VAV3: variants seen among roughly 807,000 people sequenced by gnomAD.
VAV3 encodes the protein vav guanine nucleotide exchange factor 3.
A neutral mutation model predicts 131.2 loss-of-function variants in VAV3; 94 were observed. The observed-to-expected ratio is 0.72, with a 90% CI of 0.61 to 0.85. The LOEUF is 0.85. VAV3 is among the 40% of genes least tolerant of loss of function. The probability of loss-of-function intolerance (pLI) is 0.00; values close to 1 mark genes in which losing one functional copy is unlikely to be tolerated. For synonymous variants in VAV3, 349 were observed against 342.0 expected (o/e 1.02, Z -0.22); for missense variants, 939 against 1,002.7 (o/e 0.94, Z 0.86).
At chr1:107,892,820 AC>A (rs1671374959) in intron 1 of VAV3, among the ~76,000 whole-genome samples, 1 of 152,170 alleles carries the variant, frequency 6.6e-6, no homozygotes, top group South Asian at 2.1e-4. Context: ...GACAAAGATA[AC>A]CTTTTTCTTG....
At position 107,789,255 on chromosome 1, in the gene VAV3, C is replaced by G. The variant is rs149822952; in HGVS notation, c.322-9763G>C. ...AACTCAGCTCGCTGTCAAAGTCACA[C>G]AACTCACTGGCAAAGATCACTGCTT... is the stretch of plus-strand genomic sequence containing the variant. On this transcript the variant is annotated intron_variant, in intron 2 of 26. Coordinates refer to ENST00000370056, the MANE Select transcript of VAV3 (RefSeq NM_006113.5). Among the ~76,000 whole-genome samples the G allele has an allele frequency of 4.7e-3, 723 of 152,310 alleles. 4 individuals carry two copies. The highest frequency in any genetic ancestry group is 0.016 in the African/African-American group (657 of 41,570).
At chr1:107,794,753 G>A (rs907688459) in intron 2 of VAV3, among the ~76,000 whole-genome samples, 2 of 152,124 alleles carry the variant, frequency 1.3e-5, no homozygotes, top group Non-Finnish European at 2.9e-5. Context: ...TCAGTCATTA[G>A]CTCCTCTGAC....
chr1:107,583,955 C>G (rs1650282212), intron 25 of VAV3, among the ~76,000 whole-genome samples: 1 of 151,966 alleles, frequency 6.6e-6, no homozygotes, highest in South Asian at 2.1e-4. Context: ...CCAAGTCAAT[C>G]CTAAGCCAAA....
chr1:107,886,680 C>A (rs757740176), intron 1 of VAV3, among the ~76,000 whole-genome samples: 6 of 152,080 alleles, frequency 3.9e-5, no homozygotes, highest in Non-Finnish European at 8.8e-5. Flanking sequence ...TAGGTTTGTA[C>A]AAACTTGTAC....
At chr1:107,702,065 C>T (rs1389576253) in intron 17 of VAV3, among the ~76,000 whole-genome samples, 1 of 152,168 alleles carries the variant, frequency 6.6e-6, no homozygotes, top group Non-Finnish European at 1.5e-5. Flanking sequence ...TTAGTCCGTC[C>T]TCCCACTGCT....
intron 20 of VAV3, among the ~76,000 whole-genome samples, chr1:107,626,482 A>C (rs973948577): frequency 8.5e-5 from 13 of 152,160 alleles, no homozygotes; most frequent in Non-Finnish European, 1.8e-4. Context: ...TACAGGACAT[A>C]CTAATGCCGA....
chr1:107,675,482 T>C (rs1193224650), intron 19 of VAV3, among the ~76,000 whole-genome samples: 1 of 152,200 alleles, frequency 6.6e-6, no homozygotes, highest in East Asian at 1.9e-4. Context: ...CACACAGGGC[T>C]ACCGTTGGAG....
chr1:107,770,210 T>C (rs1664962473), intron 6 of VAV3, among the ~76,000 whole-genome samples: 1 of 152,098 alleles, frequency 6.6e-6, no homozygotes, highest in Admixed American at 6.6e-5. Flanking sequence ...ATACCCTCAG[T>C]TCACTTAGCT....
chr1:107,592,520 C>T (rs1651048878), intron 25 of VAV3, among the ~76,000 whole-genome samples: 1 of 152,064 alleles, frequency 6.6e-6, no homozygotes, highest in African/African-American at 2.4e-5. Flanking sequence ...TGTGGCCCAA[C>T]TAATTCTCTA....
chr1:107,617,542 A>G (rs1379878786), intron 21 of VAV3, 25 bp downstream of exon 21: 2 of 1,587,984 alleles, frequency 1.3e-6, no homozygotes, highest in African/African-American at 2.7e-5. Flanking sequence ...ATGAAGCAAG[A>G]GAAAATTAAG....
chr1:107,637,841 A>C (rs1414418180), intron 20 of VAV3, among the ~76,000 whole-genome samples: 1 of 152,214 alleles, frequency 6.6e-6, no homozygotes, highest in Non-Finnish European at 1.5e-5. Flanking sequence ...TATTACATGA[A>C]AATGAAACAA....
chr1:107,660,257 C>T (rs10494071), intron 19 of VAV3, among the ~76,000 whole-genome samples: 12,770 of 152,164 alleles, frequency 0.084, 1,047 homozygotes, highest in East Asian at 0.44. Context: ...TTTTCGAGTA[C>T]CAGTGGCAAC....
intron 9 of VAV3, among the ~76,000 whole-genome samples, chr1:107,763,586 C>T (rs1458176387): frequency 6.6e-6 from 1 of 152,134 alleles, no homozygotes; most frequent in African/African-American, 2.4e-5. Flanking sequence ...TTAGGAGGCT[C>T]TATTCTGCAA....
intron 1 of VAV3, among the ~76,000 whole-genome samples, chr1:107,928,446 G>A (rs1369710027): frequency 6.6e-6 from 1 of 152,210 alleles, no homozygotes; most frequent in Non-Finnish European, 1.5e-5. Context: ...GAGAAACAGA[G>A]ATATGTGACC....
chr1:107,843,061 C>A (rs1425796524), intron 2 of VAV3, among the ~76,000 whole-genome samples: 1 of 151,938 alleles, frequency 6.6e-6, no homozygotes, highest in Non-Finnish European at 1.5e-5. Context: ...TCCTGAAGTC[C>A]ACCTTTACTC....
chr1:107,926,734 TGAAG>T (rs1328113291), intron 1 of VAV3, among the ~76,000 whole-genome samples: 2 of 152,112 alleles, frequency 1.3e-5, no homozygotes, highest in Non-Finnish European at 2.9e-5. Flanking sequence ...AGTCCGCCCA[TGAAG>T]GGAGTATTTA....
intron 17 of VAV3, among the ~76,000 whole-genome samples, chr1:107,698,569 G>C (rs1490827602): frequency 6.6e-6 from 1 of 152,188 alleles, no homozygotes; most frequent in East Asian, 1.9e-4. Flanking sequence ...ATTAATGGAG[G>C]AGCAGCTGTA....
At chr1:107,655,706 T>C (rs899250425) in intron 19 of VAV3, among the ~76,000 whole-genome samples, 1 of 152,140 alleles carries the variant, frequency 6.6e-6, no homozygotes, top group Non-Finnish European at 1.5e-5. Context: ...TGAACATTCA[T>C]CTGACAGGGA....
At chr1:107,937,652 TA>T (rs1271372631) in intron 1 of VAV3, among the ~76,000 whole-genome samples, 1 of 152,228 alleles carries the variant, frequency 6.6e-6, no homozygotes, top group African/African-American at 2.4e-5. Context: ...ATAATTATCC[TA>T]ATTACAGTCA....
Sources: allele counts gnomAD v4.1 joint callset (sites outside exome capture counted in the v4.1 genomes callset), GRCh38; gene constraint gnomAD v4.1.1; transcripts MANE v1.5; gene names NCBI Gene and HGNC (gene_info 2026-07-23, HGNC 2026-07-21).